MAD1L1: variants seen among roughly 807,000 people sequenced by gnomAD.
MAD1L1 encodes the protein mitotic spindle assembly checkpoint protein MAD1.
Under a neutral mutation model 96.9 loss-of-function variants are expected in MAD1L1, and 95 were observed. The ratio of observed to expected loss-of-function variants is 0.98; its 90% CI spans 0.83 to 1.16. The LOEUF (loss-of-function observed/expected upper bound fraction) is 1.16. MAD1L1 is among the 50% of genes most tolerant of loss of function. The probability of loss-of-function intolerance (pLI) is 0.00; values close to 1 mark genes in which losing one functional copy is unlikely to be tolerated. For synonymous variants in MAD1L1, 473 were observed against 396.6 expected (o/e 1.19, Z -2.29); for missense variants, 1,007 against 954.4 (o/e 1.06, Z -0.73).
At chr7:1,942,197 G>A (rs1779033252) in intron 16 of MAD1L1, among the ~76,000 whole-genome samples, 3 of 152,328 alleles carry the variant, frequency 2.0e-5, no homozygotes, top group Middle Eastern at 6.8e-3. Context: ...GCCACTCATG[G>A]TGGGAGCAGC....
At chr7:1,925,619 G>A (rs12671113) in intron 17 of MAD1L1, among the ~76,000 whole-genome samples, 45,315 of 152,154 alleles carry the variant, frequency 0.3, 8,060 homozygotes, top group East Asian at 0.45. Context: ...CCTCCCAGGA[G>A]GCCCCACCTC....
intron 17 of MAD1L1, among the ~76,000 whole-genome samples, chr7:1,899,784 G>T (rs560426969): frequency 6.6e-6 from 1 of 152,312 alleles, no homozygotes; most frequent in African/African-American, 2.4e-5. Flanking sequence ...ACAGCGGCCC[G>T]AAGAGGCTCT....
chr7:2,221,365 G>A (rs1468298202), intron 5 of MAD1L1, among the ~76,000 whole-genome samples: 2 of 152,286 alleles, frequency 1.3e-5, no homozygotes, highest in East Asian at 1.9e-4. Context: ...AGCCAATCAC[G>A]CCTCCTCTCC....
At chr7:2,182,109 C>T (rs1791229556) in intron 10 of MAD1L1, among the ~76,000 whole-genome samples, 1 of 151,812 alleles carries the variant, frequency 6.6e-6, no homozygotes, top group African/African-American at 2.4e-5. Flanking sequence ...CACCACGTTC[C>T]CCAAAAACTA....
intron 18 of MAD1L1, among the ~76,000 whole-genome samples, chr7:1,888,146 G>A (rs565500368): frequency 6.6e-6 from 1 of 151,088 alleles, no homozygotes; most frequent in Admixed American, 6.6e-5. Flanking sequence ...GTGGCTGCCT[G>A]TGCATGTGTG....
At chr7:2,175,671 T>C (rs1455647805) in intron 10 of MAD1L1, among the ~76,000 whole-genome samples, 1 of 152,128 alleles carries the variant, frequency 6.6e-6, no homozygotes, top group African/African-American at 2.4e-5. Context: ...TCCTCAGGCT[T>C]GTTGAATGAC....
intron 11 of MAD1L1, among the ~76,000 whole-genome samples, chr7:2,094,425 A>G (rs1356140822): frequency 6.6e-6 from 1 of 152,234 alleles, no homozygotes; most frequent in Non-Finnish European, 1.5e-5. Flanking sequence ...TCAAGTGACA[A>G]GACGGATGAG....
At chr7:1,838,635 G>C (rs148573964) in intron 18 of MAD1L1, 29 of 410,302 alleles carry the variant, frequency 7.1e-5, no homozygotes, top group Non-Finnish European at 1.3e-4. Context: ...GCGGAGTCTA[G>C]AGACAACACA....
In MAD1L1 at chr7:2,076,577, T is replaced by G. The variant is rs1390377613; in HGVS notation, c.1074-7239A>C. Among the ~76,000 whole-genome samples, 3 of 152,288 alleles carry G rather than the reference T, an allele frequency of 2.0e-5. No individual in the cohort carries two copies. The East Asian group carries it at 5.8e-4, about 29-fold the overall frequency. ...AACGCCCAGACACACTGTTCACACA[T>G]GGGCATGGGGTCACACCGAGGCTTC... On this transcript the variant is annotated intron_variant, in intron 11 of 18. Coordinates refer to ENST00000265854, the MANE Select transcript of MAD1L1 (RefSeq NM_001013836.2).
rs1784373392 is a variant in MAD1L1, at chr7:1,858,610, C to G, written c.1998+39590G>C. Among the ~76,000 whole-genome samples, 3 of 152,230 alleles carry G rather than the reference C, an allele frequency of 2.0e-5. No homozygotes were observed. The South Asian group carries it at 6.2e-4, about 31-fold the overall frequency. ...AGGACGCCCGCGGTGCCTCCTCCTA[C>G]CTGGCGGGGCTGCTAGGGTCAGACC... On this transcript the variant is annotated intron_variant, in intron 18 of 18. Transcript: ENST00000265854.
intron 11 of MAD1L1, among the ~76,000 whole-genome samples, chr7:2,129,626 C>G (rs1446106277): frequency 6.6e-6 from 1 of 152,218 alleles, no homozygotes; most frequent in Admixed American, 6.5e-5. Flanking sequence ...GGCTGCCTGT[C>G]TAACAAAGAT....
intron 16 of MAD1L1, among the ~76,000 whole-genome samples, chr7:1,947,151 C>T (rs1163277784): frequency 6.6e-6 from 1 of 152,226 alleles, no homozygotes; most frequent in Non-Finnish European, 1.5e-5. Flanking sequence ...AAGCCCTGAG[C>T]CCACGCCCTG....
At chr7:2,222,897 C>T in intron 4 of MAD1L1, 143 bp from the exon 5 acceptor site, 1 of 641,452 alleles carries the variant, frequency 1.6e-6, no homozygotes. Flanking sequence ...TAGGCAGAAC[C>T]AGGACGGGAC....
At chr7:2,021,684 G>C (rs1280149683) in intron 12 of MAD1L1, among the ~76,000 whole-genome samples, 3 of 152,100 alleles carry the variant, frequency 2.0e-5, no homozygotes, top group African/African-American at 7.2e-5. Flanking sequence ...AGAATCGCTT[G>C]AACCCAGGAA....
chr7:2,162,351 G>C (rs959664289), intron 10 of MAD1L1, among the ~76,000 whole-genome samples: 8 of 152,150 alleles, frequency 5.3e-5, no homozygotes, highest in African/African-American at 1.7e-4. Context: ...ATTAAGGGCG[G>C]TGCAGGATGT....
chr7:2,068,964 T>C (rs1785002912), intron 12 of MAD1L1, among the ~76,000 whole-genome samples: 1 of 152,066 alleles, frequency 6.6e-6, no homozygotes, highest in African/African-American at 2.4e-5. Context: ...ACTGAGATGC[T>C]GGAGGAACTG....
intron 18 of MAD1L1, among the ~76,000 whole-genome samples, chr7:1,865,909 G>A (rs552121816): frequency 3.3e-5 from 5 of 152,352 alleles, no homozygotes; most frequent in African/African-American, 1.2e-4. Flanking sequence ...CTGGGCCCTC[G>A]GGGAAGCCCT....
Position 2,222,571 on chromosome 7 carries a change from T to G in MAD1L1, c.471+4A>C. On this transcript the variant is annotated splice_donor_region_variant and intron_variant, in intron 5 of 18. Coordinates refer to ENST00000265854, the MANE Select transcript of MAD1L1 (RefSeq NM_001013836.2). ...GCTCCCTGCGCAGCAGAGGCCCCGC[T>G]CACCTCGCCAGCCTGGGCCAGACTG... is the stretch of plus-strand genomic sequence containing the variant. The G allele has an allele frequency of 6.3e-7, 1 of 1,590,390 alleles. No individual in the cohort carries two copies. Among genetic ancestry groups the G allele is most frequent in the Non-Finnish European group, 8.6e-7 (1 of 1,167,686 alleles).
At chr7:2,005,162 G>A (rs1781977298) in intron 13 of MAD1L1, among the ~76,000 whole-genome samples, 1 of 152,144 alleles carries the variant, frequency 6.6e-6, no homozygotes, top group Non-Finnish European at 1.5e-5. Context: ...CGAGCTGAGT[G>A]CTCCCCAGGA....
Sources: gnomAD v4.1 joint callset for allele counts (sites outside exome capture counted in the v4.1 genomes callset) on GRCh38, gnomAD v4.1.1 for gene constraint, MANE v1.5 for transcripts, NCBI Gene and HGNC (gene_info 2026-07-23, HGNC 2026-07-21) for gene names.